The following SLC6A13 variants were observed in gnomAD, a reference collection of about 807,000 sequenced individuals.
The protein encoded by SLC6A13 is sodium- and chloride-dependent GABA transporter 2.
SLC6A13 carries 69 observed loss-of-function variants against 72.9 expected under a neutral mutation model. The observed-to-expected ratio is 0.95, with a 90% CI of 0.78 to 1.16. SLC6A13 has a LOEUF of 1.16. Among genes scored for constraint, SLC6A13 ranks in the 50% most tolerant of loss-of-function variants. The probability of loss-of-function intolerance (pLI) is 0.00; values close to 1 mark genes in which losing one functional copy is unlikely to be tolerated. For missense variants in SLC6A13, 735 were observed against 760.5 expected, an observed-to-expected ratio of 0.97 and a Z score of 0.39; for synonymous variants, 303 against 303.0, an observed-to-expected ratio of 1.00 and a Z score of 0.00.
intron 7 of SLC6A13, among the ~76,000 whole-genome samples, chr12:234,864 C>G (rs1264877806): frequency 6.6e-6 from 1 of 152,210 alleles, no homozygotes; most frequent in Non-Finnish European, 1.5e-5. Context: ...TCTACTCCCC[C>G]CAAATTCCTT....
intron 2 of SLC6A13, among the ~76,000 whole-genome samples, chr12:250,620 A>C (rs1217726254): frequency 6.6e-6 from 1 of 152,128 alleles, no homozygotes; most frequent in Non-Finnish European, 1.5e-5. Context: ...ACTACAAAAC[A>C]TTGCTGAGAG....
chr12:223,243 G>A lies in SLC6A13; in HGVS notation c.1312-9C>T. On this transcript the variant is annotated splice_polypyrimidine_tract_variant and intron_variant, in intron 11 of 14. Transcript: ENST00000343164. ...AACACGTACATTCCGCCCTGCATGG[G>A]AGGAGATTATTTTAAAAAGAAGTTT... The A allele has an allele frequency of 6.3e-7, 1 of 1,580,416 alleles. No homozygotes were observed. Among genetic ancestry groups the A allele is most frequent in the South Asian group, 1.1e-5 (1 of 89,606 alleles).
At chr12:235,015 C>T (rs908893682) in intron 7 of SLC6A13, 75 bp downstream of exon 7, 101 of 1,559,078 alleles carry the variant, frequency 6.5e-5, no homozygotes, top group African/African-American at 3.2e-4. Flanking sequence ...GGGGGTTCCC[C>T]GTCAGAGTGC....
At chr12:250,522 A>G (rs1942496899) in intron 2 of SLC6A13, among the ~76,000 whole-genome samples, 2 of 152,156 alleles carry the variant, frequency 1.3e-5, no homozygotes, top group Non-Finnish European at 2.9e-5. Context: ...AAAATGTAGG[A>G]AATAATACCA....
At chr12:222,710 A>C (rs995230783) in intron 12 of SLC6A13, 78 bp from the exon 13 acceptor site, 49 of 837,882 alleles carry the variant, frequency 5.8e-5, no homozygotes, top group Non-Finnish European at 9.4e-5. Context: ...GGCCACAAAC[A>C]GACCAGAATG....
chr12:250,068 G>C (rs548755), intron 2 of SLC6A13, among the ~76,000 whole-genome samples: 28,408 of 152,088 alleles, frequency 0.19, 3,003 homozygotes, highest in East Asian at 0.31. Flanking sequence ...CATAGGTACA[G>C]TAAAGTATTT....
rs994667039 is a variant in SLC6A13 at position 254,430 on chromosome 12, G to A, written c.202+5421C>T. On this transcript the variant is annotated intron_variant, in intron 2 of 14. Transcript: ENST00000343164. The surrounding 1 kb of genome is among the most constrained non-coding windows in gnomAD (Gnocchi z 4.4). ...CAGTCATTGTCCCCAGCCCTCCACT[G>A]TAACCGCTCTTATCATCAATGACTT... 1.3e-5 allele frequency among the ~76,000 whole-genome samples: 2 copies of A among 152,148 alleles called. No individual in the cohort carries two copies. Among genetic ancestry groups the A allele is most frequent in the African/African-American group, 4.8e-5 (2 of 41,428 alleles).
In SLC6A13 at chr12:223,123, G is replaced by A. The variant is rs753031349; in HGVS notation, c.1414+9C>T. On this transcript the variant is annotated intron_variant, in intron 12 of 14. Coordinates refer to ENST00000343164, the MANE Select transcript of SLC6A13 (RefSeq NM_016615.5). ...GAGGATGCTGGGACCTAGGGGAGGA[G>A]TCACTCACCGTAAACCCAAGCCACA... The A allele has an allele frequency of 1.5e-5, 23 of 1,570,592 alleles. No homozygotes were observed. Among genetic ancestry groups the A allele is most frequent in the Non-Finnish European group, 1.8e-5 (21 of 1,140,778 alleles).
At chr12:237,416 C>T in intron 5 of SLC6A13, 126 bp from the exon 6 acceptor site, 2 of 998,066 alleles carry the variant, frequency 2.0e-6, no homozygotes, top group Non-Finnish European at 1.5e-6. Context: ...GCTCTCTTCA[C>T]ATGAGGCCAT....
chr12:244,243 T>G (rs1484823382), intron 2 of SLC6A13, among the ~76,000 whole-genome samples: 1 of 152,234 alleles, frequency 6.6e-6, no homozygotes, highest in Non-Finnish European at 1.5e-5. Flanking sequence ...CAGTCATTGT[T>G]ATGGTTTGAA....
chr12:261,012 C>G (rs1942909396), intron 1 of SLC6A13, among the ~76,000 whole-genome samples: 1 of 152,194 alleles, frequency 6.6e-6, no homozygotes, highest in African/African-American at 2.4e-5. Context: ...CCTTCTATGT[C>G]TCTCTGAAAT....
At chr12:225,136 A>G (rs1941389804) in intron 9 of SLC6A13, among the ~76,000 whole-genome samples, 1 of 152,270 alleles carries the variant, frequency 6.6e-6, no homozygotes, top group African/African-American at 2.4e-5. Flanking sequence ...ACTGACTCAT[A>G]TGGCAGGAAA....
chr12:250,754 C>A (rs1942502957), intron 2 of SLC6A13, among the ~76,000 whole-genome samples: 1 of 133,200 alleles, frequency 7.5e-6, no homozygotes, highest in African/African-American at 2.9e-5. Flanking sequence ...TAATCAAAAG[C>A]ACAACAGACT....
chr12:244,534 C>CA (rs761465823), intron 2 of SLC6A13, among the ~76,000 whole-genome samples: 2 of 151,834 alleles, frequency 1.3e-5, no homozygotes, highest in African/African-American at 2.4e-5. Flanking sequence ...AAAAGAAATA[C>CA]AAAAAATTAT....
chr12:252,943 AG>A (rs1343251591), intron 2 of SLC6A13, among the ~76,000 whole-genome samples: 2 of 134,306 alleles, frequency 1.5e-5, no homozygotes, highest in Non-Finnish European at 3.2e-5. Flanking sequence ...GAAGTGTGAG[AG>A]GGGTCGGGGT....
At chr12:240,134 C>T (rs983968184) in intron 4 of SLC6A13, among the ~76,000 whole-genome samples, 1 of 151,830 alleles carries the variant, frequency 6.6e-6, no homozygotes, top group African/African-American at 2.4e-5. Flanking sequence ...AGGGTGGTCT[C>T]AGTACACATA....
In SLC6A13 at chr12:251,050, C is replaced by G. The variant is rs762443753; in HGVS notation, c.203-7237G>C. 5.5e-4 allele frequency among the ~76,000 whole-genome samples: 83 copies of G among 151,146 alleles called. 1 individual carries two copies. The highest frequency in any genetic ancestry group is 3.4e-3 in the Middle Eastern group (1 of 292). ...GGGCACCTGTAGTCCCAGCTACTCG[C>G]GAGGCTGAGGCAGGAGAATTGCGTG... is the stretch of plus-strand genomic sequence containing the variant. On this transcript the variant is annotated intron_variant, in intron 2 of 14. Coordinates refer to ENST00000343164, the MANE Select transcript of SLC6A13 (RefSeq NM_016615.5).
At chr12:225,824 AT>A (rs1941427141) in intron 9 of SLC6A13, among the ~76,000 whole-genome samples, 1 of 152,192 alleles carries the variant, frequency 6.6e-6, no homozygotes, top group African/African-American at 2.4e-5. Context: ...CAAGAGAAAC[AT>A]TTTATGGCTT....
chr12:224,172 G>A (rs377251559), intron 10 of SLC6A13, 43 bp from the exon 11 acceptor site: 267 of 1,611,178 alleles, frequency 1.7e-4, no homozygotes, highest in African/African-American at 7.9e-4. Flanking sequence ...GAGAGCTCCC[G>A]AGATGCCCTG....
Sources: allele counts gnomAD v4.1 joint callset (sites outside exome capture counted in the v4.1 genomes callset), GRCh38; gene constraint gnomAD v4.1.1; non-coding constraint Gnocchi (gnomAD v3.1); transcripts MANE v1.5; gene names NCBI Gene and HGNC (gene_info 2026-07-23, HGNC 2026-07-21).